Variants in DGKG observed in about 807,000 individuals in gnomAD.
The protein encoded by DGKG is diacylglycerol kinase gamma.
In DGKG, 78 loss-of-function variants were observed where a neutral mutation model predicts 105.3. The ratio of observed to expected loss-of-function variants is 0.74; its 90% confidence interval spans 0.62 to 0.89. The LOEUF is 0.89. DGKG is among the 40% of genes least tolerant of loss of function. The pLI is 0.00. For synonymous variants in DGKG, 346 were observed against 367.1 expected (o/e 0.94, Z 0.66); for missense variants, 958 against 1,020.1 (o/e 0.94, Z 0.83).
At chr3:186,357,117 A>T (rs1348666298) in intron 1 of DGKG, among the ~76,000 whole-genome samples, 1 of 152,108 alleles carries the variant, frequency 6.6e-6, no homozygotes, top group Non-Finnish European at 1.5e-5. Flanking sequence ...TGATCTTAGT[A>T]GTTACTCCCA....
intron 11 of DGKG, among the ~76,000 whole-genome samples, chr3:186,269,592 G>A (rs908098302): frequency 7.9e-5 from 12 of 152,146 alleles, no homozygotes; most frequent in African/African-American, 2.2e-4. Flanking sequence ...ATGCCCAGCC[G>A]ACACTCCAGA....
At chr3:186,337,567 G>A (rs1405411870) in intron 1 of DGKG, among the ~76,000 whole-genome samples, 3 of 152,090 alleles carry the variant, frequency 2.0e-5, no homozygotes, top group African/African-American at 7.2e-5. Context: ...GACATGATAA[G>A]GATGCATGTT....
intron 1 of DGKG, among the ~76,000 whole-genome samples, chr3:186,321,678 G>A (rs1335495480): frequency 1.3e-5 from 2 of 152,206 alleles, no homozygotes; most frequent in African/African-American, 2.4e-5. Context: ...GAGCAGTGCT[G>A]GATGAGACGA....
chr3:186,278,271 A>G (rs1262013356), intron 9 of DGKG, among the ~76,000 whole-genome samples: 1 of 152,128 alleles, frequency 6.6e-6, no homozygotes, highest in Non-Finnish European at 1.5e-5. Flanking sequence ...GAAAAAAAAA[A>G]TGGTGTTTTG....
chr3:186,155,720 C>T (rs1356758652), intron 24 of DGKG, among the ~76,000 whole-genome samples: 1 of 152,174 alleles, frequency 6.6e-6, no homozygotes, highest in Non-Finnish European at 1.5e-5. Flanking sequence ...GTTCTTGACA[C>T]ATGGGTCTAC....
intron 17 of DGKG, among the ~76,000 whole-genome samples, chr3:186,255,556 G>A (rs935655095): frequency 6.6e-6 from 1 of 152,220 alleles, no homozygotes; most frequent in Non-Finnish European, 1.5e-5. Flanking sequence ...GAGGTGCAAG[G>A]GAGACTGGAA....
intron 24 of DGKG, among the ~76,000 whole-genome samples, chr3:186,151,027 A>G (rs2108466258): frequency 6.6e-6 from 1 of 152,366 alleles, no homozygotes; most frequent in East Asian, 1.9e-4. Flanking sequence ...GGAAGCAATT[A>G]GAATTCAAAG....
At chr3:186,304,251 TG>T (rs1255200148) in intron 3 of DGKG, among the ~76,000 whole-genome samples, 2 of 151,788 alleles carry the variant, frequency 1.3e-5, no homozygotes, top group East Asian at 3.9e-4. Flanking sequence ...GAGCTGGGGG[TG>T]GGGGGTGTGG....
At chr3:186,251,138 C>A (rs1721206057) in intron 19 of DGKG, among the ~76,000 whole-genome samples, 2 of 152,108 alleles carry the variant, frequency 1.3e-5, no homozygotes, top group East Asian at 3.9e-4. Context: ...CACATTAAAC[C>A]AATTCCTTCA....
chr3:186,275,696 C>A lies in DGKG; in HGVS notation c.793-32G>T, dbSNP rs750410934. 4 of 1,551,190 alleles carry A rather than the reference C, an allele frequency of 2.6e-6. No individual in the cohort carries two copies. The East Asian group carries it at 9.2e-5, about 36-fold the overall frequency. ...GGGTAATAGGAGGTGAGACCCCAAGCTGGCTGCCCTGAGATGGAGGAAGCC... is the reference window on the plus strand; with the variant it reads ...GGGTAATAGGAGGTGAGACCCCAAGATGGCTGCCCTGAGATGGAGGAAGCC... On this transcript the variant is annotated intron_variant, in intron 9 of 24. Transcript: ENST00000265022.
chr3:186,188,144 C>G (rs1717730714), intron 22 of DGKG, 58 bp downstream of exon 22: 1 of 1,592,356 alleles, frequency 6.3e-7, no homozygotes, highest in Admixed American at 1.7e-5. Context: ...TGACATCCAC[C>G]TGAGGGCACC....
At chr3:186,359,305 G>A (rs1727120503) in intron 1 of DGKG, among the ~76,000 whole-genome samples, 1 of 152,198 alleles carries the variant, frequency 6.6e-6, no homozygotes, top group Non-Finnish European at 1.5e-5. Flanking sequence ...GAAGTAATGG[G>A]AAGTGTGTGC....
At chr3:186,213,366 C>T (rs1578673793) in intron 20 of DGKG, among the ~76,000 whole-genome samples, 1 of 152,236 alleles carries the variant, frequency 6.6e-6, no homozygotes, top group South Asian at 2.1e-4. Flanking sequence ...GGCAAACATT[C>T]TCATTTGTAT....
intron 20 of DGKG, among the ~76,000 whole-genome samples, chr3:186,238,051 C>T (rs928176274): frequency 6.6e-6 from 1 of 151,856 alleles, no homozygotes; most frequent in Non-Finnish European, 1.5e-5. Context: ...CCAGCACTTT[C>T]GGAGGCCATG....
chr3:186,194,187 T>C (rs1244248129), intron 21 of DGKG, among the ~76,000 whole-genome samples: 1 of 152,240 alleles, frequency 6.6e-6, no homozygotes, highest in Non-Finnish European at 1.5e-5. Context: ...GGAAGGCAGG[T>C]GCACAGGTAA....
rs370404584 is a variant in DGKG at position 186,306,938 on chromosome 3, T to C, written c.107A>G (p.Asn36Ser). 1.2e-5 allele frequency: 19 copies of C among 1,613,238 alleles called. No homozygotes were observed. Among genetic ancestry groups the C allele is most frequent in the Non-Finnish European group, 1.6e-5 (19 of 1,179,320 alleles). The change falls in exon 3 of 25, where the codon AAT (asparagine) becomes AGT (serine). Residue 36 changes from asparagine (N) to serine (S), a missense_variant. Coordinates refer to ENST00000265022, the MANE Select transcript of DGKG (RefSeq NM_001346.3). ...KKIKDALTEF[N>S]EGGSLKQYDP... ...ATATTGTTTGAGGCTCCCACCCTCA[T>C]TAAATTCAGTCAAGGCATCTTTTAT...
chr3:186,274,201 T>C (rs921041199), intron 10 of DGKG, among the ~76,000 whole-genome samples: 2 of 152,146 alleles, frequency 1.3e-5, no homozygotes, highest in African/African-American at 4.8e-5. Context: ...TTGTTTTTTG[T>C]TTTTGAGACA....
At chr3:186,262,161 A>G (rs955954280) in intron 14 of DGKG, among the ~76,000 whole-genome samples, 1 of 152,146 alleles carries the variant, frequency 6.6e-6, no homozygotes, top group Non-Finnish European at 1.5e-5. Context: ...GCACTCGTGG[A>G]GTGAACCACC....
chr3:186,207,904 TTC>T (rs1195352560), intron 21 of DGKG, among the ~76,000 whole-genome samples: 1 of 152,244 alleles, frequency 6.6e-6, no homozygotes, highest in Non-Finnish European at 1.5e-5. Flanking sequence ...TCCCTTCAGT[TTC>T]TCTTTTGTCC....
Sources: allele counts gnomAD v4.1 joint callset (sites outside exome capture counted in the v4.1 genomes callset), GRCh38; gene constraint gnomAD v4.1.1; transcripts MANE v1.5; gene names NCBI Gene and HGNC (gene_info 2026-07-23, HGNC 2026-07-21).